Variants in GABARAPL2 observed in about 807,000 individuals in gnomAD.
GABARAPL2 encodes the protein GABA type A receptor associated protein like 2.
A neutral mutation model predicts 16.9 loss-of-function variants in GABARAPL2; 11 were observed. That is an observed-to-expected ratio of 0.65 (90% confidence interval 0.41 to 1.08). The LOEUF is 1.08. Ranked by LOEUF, GABARAPL2 falls within the 50% of genes least tolerant of loss-of-function variation. The pLI is 0.00. For missense variants in GABARAPL2, 134 were observed against 142.5 expected (o/e 0.94, Z 0.30); for synonymous variants, 57 against 50.7 (o/e 1.12, Z -0.53).
chr16:75,567,525 G>C (rs1156372936), intron 2 of GABARAPL2, among the ~76,000 whole-genome samples: 2 of 151,740 alleles, frequency 1.3e-5, no homozygotes, highest in Non-Finnish European at 3.0e-5. Context: ...TGAATAATTT[G>C]TCTGGGGAAA....
At chr16:75,566,733 C>T in intron 1 of GABARAPL2, 119 bp from the exon 2 acceptor site, 2 of 1,083,844 alleles carry the variant, frequency 1.8e-6, no homozygotes, top group Non-Finnish European at 2.8e-6. Context: ...GGACCGCGGC[C>T]CCGGGGACGC....
intron 3 of GABARAPL2, among the ~76,000 whole-genome samples, chr16:75,569,921 C>CTGGT (rs1197071812): frequency 6.6e-6 from 1 of 152,190 alleles, no homozygotes; most frequent in African/African-American, 2.4e-5. Flanking sequence ...GCAGATTACA[C>CTGGT]TGGTAACTCA....
chr16:75,567,912 T>C (rs1047499514), intron 2 of GABARAPL2, 125 bp from the exon 3 acceptor site: 8 of 630,170 alleles, frequency 1.3e-5, no homozygotes, highest in Non-Finnish European at 1.7e-5. Context: ...CAAAGACATA[T>C]TTTCTCCTGC....
chr16:75,570,910 G>GA (rs2080910392), intron 3 of GABARAPL2, among the ~76,000 whole-genome samples: 1 of 152,088 alleles, frequency 6.6e-6, no homozygotes, highest in African/African-American at 2.4e-5. Context: ...CAGAACTTCA[G>GA]AAAAAACATC....
intron 3 of GABARAPL2, among the ~76,000 whole-genome samples, chr16:75,573,470 C>G (rs753638801): frequency 7.2e-5 from 11 of 152,322 alleles, no homozygotes; most frequent in Non-Finnish European, 1.3e-4. Flanking sequence ...AAGGGGTATC[C>G]TGACTATAAG....
intron 2 of GABARAPL2, among the ~76,000 whole-genome samples, chr16:75,567,364 T>G (rs1353339720): frequency 1.3e-5 from 2 of 152,242 alleles, no homozygotes; most frequent in Non-Finnish European, 2.9e-5. Context: ...CAAAATAATG[T>G]GAAAAGCCGC....
At chr16:75,575,110 C>T (rs1019795914) in intron 3 of GABARAPL2, among the ~76,000 whole-genome samples, 5 of 152,056 alleles carry the variant, frequency 3.3e-5, no homozygotes, top group Admixed American at 1.3e-4. Context: ...TTAAAGCTCT[C>T]TTTAAAGTAA....
At chr16:75,566,726 C>T (rs2080885328) in intron 1 of GABARAPL2, 126 bp from the exon 2 acceptor site, 10 of 1,035,002 alleles carry the variant, frequency 9.7e-6, no homozygotes, top group Middle Eastern at 2.6e-4. Context: ...GGGGACAGGA[C>T]CGCGGCCCCG....
In GABARAPL2 at chr16:75,577,346, G is replaced by T. The variant is rs1438797561; in HGVS notation, c.331G>T (p.Gly111Ter). ...EDGFLYVAYS[G>*]ENTFGF ...TGGATTCTTATATGTGGCCTACAGC[G>T]GAGAGAACACTTTTGGCTTCTGAGG... is the stretch of plus-strand genomic sequence containing the variant. Residue 111 changes from glycine to a stop codon, truncating the protein, a stop_gained, in exon 4 of 4, where the codon GGA becomes TGA. Transcript: ENST00000037243. LOFTEE classifies it high-confidence loss of function. 1 of 1,610,736 alleles carries T rather than the reference G, an allele frequency of 6.2e-7. No individual in the cohort carries two copies. Among genetic ancestry groups the T allele is most frequent in the Non-Finnish European group, 8.5e-7 (1 of 1,176,918 alleles).
At chr16:75,566,784 G>A (rs1597056746) in intron 1 of GABARAPL2, 68 bp from the exon 2 acceptor site, 2 of 1,425,316 alleles carry the variant, frequency 1.4e-6, no homozygotes, top group African/African-American at 1.4e-5. Context: ...GCAGGAGGAG[G>A]AGGGCCGGGG....
In GABARAPL2 at chr16:75,566,472, C is replaced by T. The variant is rs576884956; in HGVS notation, c.-15C>T. 14 of 1,603,208 alleles carry T rather than the reference C, an allele frequency of 8.7e-6. No homozygotes were observed. The highest frequency in any genetic ancestry group is 1.7e-4 in the Middle Eastern group (1 of 5,978). On this transcript the variant is annotated 5_prime_UTR_variant, in exon 1 of 4. Transcript: ENST00000037243. ...CGGCTCCGCGAGCCGGTTCCGTCCC[C>T]TTCCCGCCGCCGCCATGAAGTGGAT...
intron 3 of GABARAPL2, chr16:75,576,237 A>G (rs2080948685): frequency 1.3e-5 from 2 of 152,172 alleles, no homozygotes; most frequent in African/African-American, 4.8e-5. Flanking sequence ...TAAGCTTGCA[A>G]ATGGGGCAGG....
intron 3 of GABARAPL2, among the ~76,000 whole-genome samples, chr16:75,570,412 C>T (rs1224268904): frequency 6.6e-6 from 1 of 152,198 alleles, no homozygotes; most frequent in Non-Finnish European, 1.5e-5. Flanking sequence ...TTCCCCAAGA[C>T]AATTTAGCAG....
chr16:75,574,807 C>CCCTGTAATCCAGCACTT (rs1555506397), intron 3 of GABARAPL2, among the ~76,000 whole-genome samples: 14 of 147,396 alleles, frequency 9.5e-5, no homozygotes, highest in South Asian at 2.2e-4. Flanking sequence ...GGTGGCTCAC[C>CCCTGTAATCCAGCACTT]TGAGGTCAGG....
Position 75,577,510 on chromosome 16 carries a change from G to A in GABARAPL2, c.*141G>A, listed in dbSNP as rs550496072. ...GGATTTATTTCTTAATATATTGGAAGGTTTTGTTTCCTTAGACTAGTAAAT... is the reference window on the plus strand; with the variant it reads ...GGATTTATTTCTTAATATATTGGAAAGTTTTGTTTCCTTAGACTAGTAAAT... On this transcript the variant is annotated 3_prime_UTR_variant, in exon 4 of 4. Coordinates refer to ENST00000037243, the MANE Select transcript of GABARAPL2 (RefSeq NM_007285.7). The A allele has an allele frequency of 3.3e-6, 2 of 603,390 alleles. No individual in the cohort carries two copies. Among genetic ancestry groups the A allele is most frequent in the East Asian group, 5.5e-5 (2 of 36,666 alleles). The allele number at this position is 603,390 out of a possible 1,614,324, so 37.4% of individuals were successfully genotyped here. A position where few individuals can be genotyped will look rare whatever the true frequency, so the allele number is the denominator to read the frequency against.
At chr16:75,568,282 T>C (rs1297781366) in intron 3 of GABARAPL2, 73 bp downstream of exon 3, 2 of 1,119,094 alleles carry the variant, frequency 1.8e-6, no homozygotes, top group Non-Finnish European at 2.6e-6. Flanking sequence ...TCCAAAACTT[T>C]GGAAGTCTGA....
Position 75,570,327 on chromosome 16 carries a change from TATAAATCACCC to T in GABARAPL2, c.263+2124_263+2134del, listed in dbSNP as rs1478603024. ...TGACATCATTGGGCTTTATGCAATA[TATAAATCACCC>T]ATAAACATAAAAAGTGCTACAGGGT... On this transcript the variant is annotated intron_variant, in intron 3 of 3. Transcript: ENST00000037243. 4.6e-5 allele frequency among the ~76,000 whole-genome samples: 7 copies of T among 152,328 alleles called. No individual in the cohort carries two copies. The East Asian group carries it at 5.8e-4, about 13-fold the overall frequency.
chr16:75,571,426 A>G (rs2080913434), intron 3 of GABARAPL2, among the ~76,000 whole-genome samples: 1 of 152,226 alleles, frequency 6.6e-6, no homozygotes, highest in Non-Finnish European at 1.5e-5. Context: ...AGGGCAACAG[A>G]GACTGCTTCA....
chr16:75,576,023 G>T (rs1479947735), intron 3 of GABARAPL2: 1 of 152,196 alleles, frequency 6.6e-6, no homozygotes. Flanking sequence ...AGTGATACAG[G>T]ACATTTCAAT....
Sources: gnomAD v4.1 joint callset for allele counts (sites outside exome capture counted in the v4.1 genomes callset) on GRCh38, gnomAD v4.1.1 for gene constraint, MANE v1.5 for transcripts, NCBI Gene and HGNC (gene_info 2026-07-23, HGNC 2026-07-21) for gene names.